Variants in ITCH observed in about 807,000 individuals in gnomAD.
The protein encoded by ITCH is itchy E3 ubiquitin protein ligase.
In ITCH, 28 loss-of-function variants were observed where a neutral mutation model predicts 126.8. The observed-to-expected ratio is 0.22, with a 90% CI of 0.16 to 0.30. The LOEUF is 0.30. ITCH is among the 10% of genes least tolerant of loss of function. ITCH has a pLI of 1.00. For synonymous variants in ITCH, 342 were observed against 340.0 expected, an observed-to-expected ratio of 1.01 and a Z score of -0.06; for missense variants, 631 against 1,032.4, an observed-to-expected ratio of 0.61 and a Z score of 5.33.
At chr20:34,377,592 G>A (rs1465643974) in intron 2 of ITCH, among the ~76,000 whole-genome samples, 1 of 151,926 alleles carries the variant, frequency 6.6e-6, no homozygotes, top group Admixed American at 6.6e-5. Flanking sequence ...GGCTGGGCGC[G>A]GTGGCTTACA....
At chr20:34,487,021 T>TC (rs1016164632) in intron 20 of ITCH, among the ~76,000 whole-genome samples, 13 of 144,962 alleles carry the variant, frequency 9.0e-5, no homozygotes, top group African/African-American at 3.1e-4. Context: ...GGTTTTTTTT[T>TC]TTTTTTTTTT....
At chr20:34,371,037 G>A (rs1049103752) in intron 2 of ITCH, among the ~76,000 whole-genome samples, 26 of 151,264 alleles carry the variant, frequency 1.7e-4, no homozygotes, top group Middle Eastern at 3.4e-3. Context: ...GTGTGGTGGC[G>A]GGCGCCTGTA....
intron 10 of ITCH, among the ~76,000 whole-genome samples, chr20:34,443,377 G>A (rs530732009): frequency 2.6e-5 from 4 of 151,880 alleles, no homozygotes; most frequent in African/African-American, 9.7e-5. Flanking sequence ...GGGTGTTGTG[G>A]CGCGCCTGTA....
chr20:34,379,791 G>T (rs966738739), intron 2 of ITCH, among the ~76,000 whole-genome samples: 1 of 151,430 alleles, frequency 6.6e-6, no homozygotes, highest in Admixed American at 6.6e-5. Flanking sequence ...TAGAGACAGG[G>T]TTTCACTGTG....
intron 20 of ITCH, among the ~76,000 whole-genome samples, chr20:34,484,476 A>G (rs971620882): frequency 2.0e-5 from 3 of 152,192 alleles, no homozygotes; most frequent in Non-Finnish European, 4.4e-5. Context: ...GTTTTTGTCA[A>G]TTCTCCAGTT....
chr20:34,385,797 GA>G lies in ITCH; in HGVS notation c.-21-7991del, dbSNP rs144852210. On this transcript the variant is annotated intron_variant, in intron 2 of 24. Transcript: ENST00000374864. ...ACTGATGTATTTGGTTGGAAAGTGG[GA>G]AAGGAGCTTTTAGTGTTCTGAGATC... 8.2e-3 allele frequency among the ~76,000 whole-genome samples: 1,243 copies of G among 152,284 alleles called. 15 individuals carry two copies. Among genetic ancestry groups the G allele is most frequent in the Non-Finnish European group, 0.012 (843 of 68,024 alleles).
chr20:34,400,747 C>T (rs1398250129), intron 3 of ITCH, among the ~76,000 whole-genome samples: 1 of 150,546 alleles, frequency 6.6e-6, no homozygotes, highest in Non-Finnish European at 1.5e-5. Flanking sequence ...CCATGCCCAC[C>T]CCCTTACCTA....
In ITCH at chr20:34,457,427, C is replaced by A; in HGVS notation, c.1248C>A (p.Val416=). The A allele has an allele frequency of 6.2e-7, 1 of 1,613,828 alleles. No homozygotes were observed. Among genetic ancestry groups the A allele is most frequent in the East Asian group, 2.2e-5 (1 of 44,858 alleles). ...RTDSNGRVYF[V]NHNTRITQWE... ...ACAGCAATGGCAGAGTATATTTCGT[C>A]AACCACAACACACGAATTACACAAT... The change falls in exon 13 of 25, where the codon GTC becomes GTA. Residue 416 remains valine, a synonymous_variant. Transcript: ENST00000374864.
intron 6 of ITCH, among the ~76,000 whole-genome samples, chr20:34,418,634 T>C (rs1198513019): frequency 1.3e-5 from 2 of 152,200 alleles, no homozygotes. Flanking sequence ...TAAACTTTGC[T>C]GTAATGTTAG....
At chr20:34,388,415 T>C (rs1385864326) in intron 2 of ITCH, among the ~76,000 whole-genome samples, 4 of 152,092 alleles carry the variant, frequency 2.6e-5, no homozygotes, top group Non-Finnish European at 5.9e-5. Flanking sequence ...GATGAGGTCT[T>C]GCTCTGTCGC....
intron 2 of ITCH, among the ~76,000 whole-genome samples, chr20:34,381,499 T>A (rs1194950842): frequency 6.6e-6 from 1 of 151,948 alleles, no homozygotes; most frequent in East Asian, 1.9e-4. Flanking sequence ...CGATCTCTGC[T>A]CACCGCAACC....
intron 11 of ITCH, among the ~76,000 whole-genome samples, chr20:34,449,122 A>G (rs1984843437): frequency 6.6e-6 from 1 of 152,136 alleles, no homozygotes; most frequent in Non-Finnish European, 1.5e-5. Context: ...TATATTATTG[A>G]TGTAAAATTT....
At chr20:34,457,873 C>G (rs1250329202) in intron 13 of ITCH, among the ~76,000 whole-genome samples, 1 of 151,978 alleles carries the variant, frequency 6.6e-6, no homozygotes, top group Non-Finnish European at 1.5e-5. Flanking sequence ...CACCTGAGCC[C>G]AGGAAGTCGA....
rs995291920 is a variant in ITCH at position 34,476,505 on chromosome 20, T to A, written c.1570-1267T>A. 16 of 1,176,436 alleles carry A rather than the reference T, an allele frequency of 1.4e-5. No homozygotes were observed. The African/African-American group carries it at 2.6e-4, about 19-fold the overall frequency. The allele number at this position is 1,176,436 out of a possible 1,614,324, so 72.9% of individuals were successfully genotyped here. A position where few individuals can be genotyped will look rare whatever the true frequency, so the allele number is the denominator to read the frequency against. Reference sequence around the variant, plus strand: ...GCGGTCGGGAACTCAAAAGGAATTATTTAAAGATAGTTTTAACCTTGTGAC... The same window carrying A: ...GCGGTCGGGAACTCAAAAGGAATTAATTAAAGATAGTTTTAACCTTGTGAC... On this transcript the variant is annotated intron_variant, in intron 16 of 24. Coordinates refer to ENST00000374864, the MANE Select transcript of ITCH (RefSeq NM_031483.7).
Position 34,508,244 on chromosome 20 carries a change from G to T in ITCH, c.*450G>T. ...AGTGCAAGCTTACTCCTGCTTCTGG[G>T]GATGTGAGCAAAATTCGGGCTTGTG... On this transcript the variant is annotated 3_prime_UTR_variant, in exon 25 of 25. Transcript: ENST00000374864. The T allele has an allele frequency of 5.3e-6, 1 of 188,810 alleles. No homozygotes were observed. The highest frequency in any genetic ancestry group is 1.1e-5 in the Non-Finnish European group (1 of 88,620). The allele number at this position is 188,810 out of a possible 1,614,324, so 11.7% of individuals were successfully genotyped here.
At chr20:34,455,846 A>G in intron 12 of ITCH, among the ~76,000 whole-genome samples, 1 of 151,942 alleles carries the variant, frequency 6.6e-6, no homozygotes, top group African/African-American at 2.4e-5. Flanking sequence ...TAGACTGGGA[A>G]CACGAAAACA....
rs1314486734 is a variant in ITCH, at chr20:34,477,046, C to T, written c.1570-726C>T. The stretch of plus-strand genomic sequence containing the variant: ...GCTGAGAATGAGTTTCCAAAGTTAA[C>T]TGGGTCTCTCTGCAGCTACTGGTTT... On this transcript the variant is annotated intron_variant, in intron 16 of 24. Transcript: ENST00000374864. Among the ~76,000 whole-genome samples, 3 of 152,118 alleles carry T rather than the reference C, an allele frequency of 2.0e-5. No individual in the cohort carries two copies. In the East Asian group the frequency reaches 5.8e-4, roughly 29 times the overall value.
rs763214263 is a variant in ITCH, at chr20:34,424,521, A to G, written c.517A>G (p.Thr173Ala). The G allele has an allele frequency of 1.2e-6, 2 of 1,612,586 alleles. No individual in the cohort carries two copies. Among genetic ancestry groups the G allele is most frequent in the Admixed American group, 3.3e-5 (2 of 60,018 alleles). Residue 173 changes from threonine (T) to alanine (A), a missense_variant, in exon 7 of 25, where the codon ACA becomes GCA. Coordinates refer to ENST00000374864, the MANE Select transcript of ITCH (RefSeq NM_031483.7). ...TGATGGCTCCAGATCCAAGGATGAA[A>G]CAAGGTAAGCATTCACTGATTGCTT... The part of the protein sequence containing the change: ...NDDGSRSKDE[T>A]RVSTNGSDDP...
intron 20 of ITCH, among the ~76,000 whole-genome samples, chr20:34,482,258 A>G (rs1988805613): frequency 1.3e-5 from 2 of 152,228 alleles, no homozygotes; most frequent in East Asian, 1.9e-4. Context: ...AAAACCAATC[A>G]TGCCTTCTCA....
Sources: allele counts gnomAD v4.1 joint callset (sites outside exome capture counted in the v4.1 genomes callset), GRCh38; gene constraint gnomAD v4.1.1; transcripts MANE v1.5; gene names NCBI Gene and HGNC (gene_info 2026-07-23, HGNC 2026-07-21).